SIRT1: variants seen among roughly 807,000 people sequenced by gnomAD.
The protein encoded by SIRT1 is sirtuin 1, also known as NAD-dependent protein deacetylase sirtuin-1.
Under a neutral mutation model 67.9 loss-of-function variants are expected in SIRT1, and 24 were observed. The ratio of observed to expected loss-of-function variants is 0.35; its 90% CI spans 0.26 to 0.50. The LOEUF (loss-of-function observed/expected upper bound fraction) is 0.50, where lower values mean the gene tolerates loss of function less well. Among genes scored for constraint, SIRT1 ranks in the 20% least tolerant of loss-of-function variants. The probability of loss-of-function intolerance (pLI) is 0.98; values close to 1 mark genes in which losing one functional copy is unlikely to be tolerated. For synonymous variants in SIRT1, 378 were observed against 350.7 expected (o/e 1.08, Z -0.87); for missense variants, 873 against 937.2 (o/e 0.93, Z 0.89).
In SIRT1 at chr10:67,885,108, C is replaced by T. The variant is rs1842454110; in HGVS notation, c.387C>T (p.Gly129=). 2.1e-6 allele frequency: 3 copies of T among 1,440,398 alleles called. No homozygotes were observed. The highest frequency in any genetic ancestry group is 2.7e-6 in the Non-Finnish European group (3 of 1,091,440). The allele number at this position is 1,440,398 out of a possible 1,614,324, so 89.2% of individuals were successfully genotyped here. The change falls in exon 1 of 9, where the codon GGC becomes GGT. Residue 129 remains glycine, a synonymous_variant. Coordinates refer to ENST00000212015, the MANE Select transcript of SIRT1 (RefSeq NM_012238.5). ...NLYDEDDDDE[G]EEEEEAAAAA... The stretch of plus-strand genomic sequence containing the variant: ...ACGACGAAGACGACGACGACGAGGG[C>T]GAGGAGGAGGAAGAGGCGGCGGCGG...
intron 1 of SIRT1, among the ~76,000 whole-genome samples, chr10:67,886,470 G>T (rs1199034642): frequency 1.3e-5 from 2 of 149,622 alleles, no homozygotes; most frequent in Non-Finnish European, 1.5e-5. Flanking sequence ...CACACCTTTA[G>T]TCCCAGGTAC....
chr10:67,898,310 C>G (rs974766290), intron 4 of SIRT1, among the ~76,000 whole-genome samples: 2 of 150,856 alleles, frequency 1.3e-5, no homozygotes, highest in African/African-American at 2.4e-5. Flanking sequence ...ATACTATGTT[C>G]GAAGAGTGTA....
At chr10:67,902,280 C>G (rs546691185) in intron 4 of SIRT1, among the ~76,000 whole-genome samples, 1 of 152,290 alleles carries the variant, frequency 6.6e-6, no homozygotes, top group Admixed American at 6.5e-5. Context: ...TGAGCCACCG[C>G]GCCCGGCTAC....
intron 4 of SIRT1, among the ~76,000 whole-genome samples, chr10:67,904,978 A>G (rs1842799611): frequency 6.6e-6 from 1 of 152,158 alleles, no homozygotes; most frequent in African/African-American, 2.4e-5. Flanking sequence ...TACCCTTTAG[A>G]AAGGGTGGGG....
chr10:67,914,573 T>C (rs1182542393), intron 8 of SIRT1, among the ~76,000 whole-genome samples: 2 of 152,252 alleles, frequency 1.3e-5, no homozygotes, highest in African/African-American at 4.8e-5. Flanking sequence ...CAGTTGTCTC[T>C]AGCGTATACA....
At chr10:67,890,908 C>T (rs1347055138) in intron 3 of SIRT1, among the ~76,000 whole-genome samples, 3 of 151,182 alleles carry the variant, frequency 2.0e-5, no homozygotes, top group Non-Finnish European at 2.9e-5. Context: ...CAGGCACCTG[C>T]ATTCCCAGCT....
chr10:67,885,014 C>A lies in SIRT1; in HGVS notation c.293C>A (p.Ala98Asp). The A allele has an allele frequency of 2.3e-6, 3 of 1,319,578 alleles. No individual in the cohort carries two copies. The highest frequency in any genetic ancestry group is 2.9e-6 in the Non-Finnish European group (3 of 1,026,100). 81.7% of individuals were successfully genotyped at this position (1,319,578 alleles called of 1,614,324 possible). A position where few individuals can be genotyped will look rare whatever the true frequency, so the allele number is the denominator to read the frequency against. The change falls in exon 1 of 9, where the codon GCT becomes GAT. Residue 98 changes from alanine to aspartate, a missense_variant. This residue lies in a region of SIRT1 where 327 missense variants were observed against 283.9 expected (regional missense o/e 1.15). Transcript: ENST00000212015. The stretch of plus-strand genomic sequence containing the variant: ...CAAGAGGCCCAGGCGACTGCGGCGG[C>A]TGGGGAAGGAGACAATGGGCCGGGC... ...GEQEAQATAA[A>D]GEGDNGPGLQ...
chr10:67,886,964 CG>C (rs1842493184), intron 1 of SIRT1, among the ~76,000 whole-genome samples: 1 of 151,800 alleles, frequency 6.6e-6, no homozygotes, highest in Non-Finnish European at 1.5e-5. Flanking sequence ...CTCCGCTTCC[CG>C]GGTTCAAGCC....
chr10:67,888,812 AC>A, intron 2 of SIRT1, 69 bp from the exon 3 acceptor site: 1 of 1,516,476 alleles, frequency 6.6e-7, no homozygotes, highest in South Asian at 1.3e-5. Flanking sequence ...CTAACTCATT[AC>A]TTCAGAAAAT....
intron 7 of SIRT1, among the ~76,000 whole-genome samples, chr10:67,911,651 C>G (rs910901692): frequency 1.8e-5 from 2 of 109,052 alleles, no homozygotes; most frequent in Non-Finnish European, 3.4e-5. Context: ...GTCCTTCCTT[C>G]CATTCATCCT....
intron 8 of SIRT1, among the ~76,000 whole-genome samples, chr10:67,913,583 A>G (rs185877916): frequency 1.3e-5 from 2 of 152,322 alleles, no homozygotes; most frequent in East Asian, 3.9e-4. Context: ...TCCACTGAAT[A>G]TAGGAATAGT....
Position 67,908,029 on chromosome 10 carries a change from A to T in SIRT1, c.1091-17A>T. 6.3e-7 allele frequency: 1 copy of T among 1,598,706 alleles called. No individual in the cohort carries two copies. The highest frequency in any genetic ancestry group is 8.6e-7 in the Non-Finnish European group (1 of 1,166,912). ...AATACTTCTTTAATAAAGCATATAT[A>T]TGTTGTTTGTTTTTAGGTTCCTTTG... On this transcript the variant is annotated splice_polypyrimidine_tract_variant and intron_variant, in intron 5 of 8. Transcript: ENST00000212015.
intron 1 of SIRT1, among the ~76,000 whole-genome samples, 189 bp from the exon 2 acceptor site, chr10:67,887,224 CTGAG>C (rs1386333709): frequency 6.6e-6 from 1 of 152,128 alleles, no homozygotes; most frequent in African/African-American, 2.4e-5. Context: ...TTGGCTGAAA[CTGAG>C]TGAGCAGAAT....
At chr10:67,897,664 T>G (rs1212893655) in intron 4 of SIRT1, among the ~76,000 whole-genome samples, 1 of 151,804 alleles carries the variant, frequency 6.6e-6, no homozygotes, top group Admixed American at 6.6e-5. Context: ...GCCTAGCCAA[T>G]TTTTTGAATT....
intron 4 of SIRT1, among the ~76,000 whole-genome samples, chr10:67,897,759 A>C (rs1842680499): frequency 6.6e-6 from 1 of 151,568 alleles, no homozygotes; most frequent in Non-Finnish European, 1.5e-5. Context: ...TGGCCTCCTA[A>C]AGTTCTGGGA....
At chr10:67,914,059 A>ATTTTTTTTTTTTTTT (rs57073724) in intron 8 of SIRT1, among the ~76,000 whole-genome samples, 1 of 88,234 alleles carries the variant, frequency 1.1e-5, no homozygotes, top group African/African-American at 5.1e-5. Context: ...CAAAAGGTAG[A>ATTTTTTTTTTTTTTT]TTTTTTTTTT....
chr10:67,913,451 G>C (rs1273943042), intron 8 of SIRT1, among the ~76,000 whole-genome samples: 1 of 152,188 alleles, frequency 6.6e-6, no homozygotes, highest in Non-Finnish European at 1.5e-5. Flanking sequence ...GGAAGAACCA[G>C]ATTAAAATCC....
intron 7 of SIRT1, among the ~76,000 whole-genome samples, 198 bp from the exon 8 acceptor site, chr10:67,912,276 G>A (rs1051151200): frequency 3.3e-5 from 5 of 152,102 alleles, no homozygotes; most frequent in Non-Finnish European, 7.4e-5. Context: ...GAACTTGAGC[G>A]TTTTATAAAA....
At chr10:67,899,685 A>G (rs556155948) in intron 4 of SIRT1, among the ~76,000 whole-genome samples, 2 of 152,266 alleles carry the variant, frequency 1.3e-5, no homozygotes, top group South Asian at 4.1e-4. Flanking sequence ...GCTGTGTAGC[A>G]TTCTATTTTA....
Sources: allele counts gnomAD v4.1 joint callset (sites outside exome capture counted in the v4.1 genomes callset), GRCh38; gene constraint gnomAD v4.1.1; regional missense constraint gnomAD v4.1.1; transcripts MANE v1.5; gene names NCBI Gene and HGNC (gene_info 2026-07-23, HGNC 2026-07-21).